CTNND2: variants seen among roughly 807,000 people sequenced by gnomAD.
CTNND2 encodes the protein catenin delta-2.
CTNND2 carries 22 observed loss-of-function variants against 144.4 expected under a neutral mutation model. The observed-to-expected ratio is 0.15, with a 90% CI of 0.11 to 0.22. The LOEUF (loss-of-function observed/expected upper bound fraction) is 0.22. Among genes scored for constraint, CTNND2 ranks in the 10% least tolerant of loss-of-function variants. The pLI is 1.00. For synonymous variants in CTNND2, 751 were observed against 695.6 expected (o/e 1.08, Z -1.25); for missense variants, 1,353 against 1,618.8 (o/e 0.84, Z 2.82).
chr5:11,401,097 C>T (rs986073345), intron 5 of CTNND2, among the ~76,000 whole-genome samples: 5 of 152,130 alleles, frequency 3.3e-5, no homozygotes, highest in Non-Finnish European at 7.4e-5. Context: ...GTCCACTATT[C>T]GTGGGACAAA....
intron 12 of CTNND2, among the ~76,000 whole-genome samples, chr5:11,155,114 G>A (rs1050791778): frequency 1.3e-5 from 2 of 152,212 alleles, no homozygotes; most frequent in Admixed American, 6.5e-5. Flanking sequence ...GCCAACATGA[G>A]CTTGTCCAGA....
chr5:11,671,449 C>T (rs902032182), intron 2 of CTNND2, among the ~76,000 whole-genome samples: 6 of 151,970 alleles, frequency 3.9e-5, no homozygotes, highest in Admixed American at 2.0e-4. Context: ...ACATAGTCTC[C>T]TATTTCTTGG....
intron 10 of CTNND2, among the ~76,000 whole-genome samples, chr5:11,213,755 C>A (rs1738882612): frequency 6.6e-6 from 1 of 152,166 alleles, no homozygotes; most frequent in Non-Finnish European, 1.5e-5. Context: ...AGGCTCACAA[C>A]TCTCCTAGCA....
At chr5:11,544,900 T>G (rs1775080845) in intron 3 of CTNND2, among the ~76,000 whole-genome samples, 1 of 151,352 alleles carries the variant, frequency 6.6e-6, no homozygotes, top group Admixed American at 6.6e-5. Flanking sequence ...GGGCAGATCA[T>G]GAGGTCAGGA....
Position 11,412,056 on chromosome 5 carries a change from G to C in CTNND2, c.301C>G (p.Gln101Glu). 6.2e-7 allele frequency: 1 copy of C among 1,610,900 alleles called. No homozygotes were observed. Among genetic ancestry groups the C allele is most frequent in the Non-Finnish European group, 8.5e-7 (1 of 1,177,346 alleles). Residue 101 changes from glutamine (Q) to glutamate (E), a missense_variant, in exon 4 of 22, where the codon CAG (glutamine) becomes GAG (glutamate). Transcript: ENST00000304623. Reference sequence around the variant, plus strand: ...TTACCTTGTGACTGCCACTGAAACTGCTCTTCTGCTGAACTGTAAAAAAGA... The same window carrying C: ...TTACCTTGTGACTGCCACTGAAACTCCTCTTCTGCTGAACTGTAAAAAAGA... ...SMSSMSSAEE[Q>E]FQWQSQDGQK... is the part of the protein sequence containing the mutation.
chr5:11,717,563 C>A (rs7729045), intron 2 of CTNND2, among the ~76,000 whole-genome samples: 2,258 of 135,696 alleles, frequency 0.017, 24 homozygotes, highest in East Asian at 0.061. Context: ...GGAGACAGAG[C>A]AAGAGACTGT....
At chr5:11,313,080 T>C (rs1435569413) in intron 9 of CTNND2, among the ~76,000 whole-genome samples, 1 of 152,196 alleles carries the variant, frequency 6.6e-6, no homozygotes, top group African/African-American at 2.4e-5. Context: ...TAAACTCCTG[T>C]TTGTTCCAGA....
chr5:11,833,203 A>G (rs1231187714), intron 1 of CTNND2, among the ~76,000 whole-genome samples: 1 of 152,240 alleles, frequency 6.6e-6, no homozygotes, highest in East Asian at 1.9e-4. Context: ...TTTATTCATA[A>G]TAACTAATGA....
chr5:11,699,962 T>C (rs10045901), intron 2 of CTNND2, among the ~76,000 whole-genome samples: 12,174 of 152,266 alleles, frequency 0.08, 1,602 homozygotes, highest in African/African-American at 0.27. Flanking sequence ...AGAAGCTCCA[T>C]TTGACTGAAC....
intron 9 of CTNND2, among the ~76,000 whole-genome samples, chr5:11,329,392 T>G (rs144542439): frequency 0.016 from 2,423 of 152,278 alleles, 57 homozygotes; most frequent in African/African-American, 0.056. Flanking sequence ...TGACCTCAAG[T>G]GATCCCCATC....
At position 11,365,271 on chromosome 5, in the gene CTNND2, T is replaced by C. The variant is rs1405870384; in HGVS notation, c.1178-381A>G. 3.3e-5 allele frequency among the ~76,000 whole-genome samples: 5 copies of C among 152,154 alleles called. No homozygotes were observed. The East Asian group carries it at 5.8e-4, about 18-fold the overall frequency. On this transcript the variant is annotated intron_variant, in intron 7 of 21. Transcript: ENST00000304623. ...AGCCCTTGCACCTTAAATTGTACAA[T>C]AGAAATTATTTTAAATGGCGAGCCA...
intron 3 of CTNND2, among the ~76,000 whole-genome samples, chr5:11,519,219 G>A (rs917533822): frequency 6.6e-6 from 1 of 152,172 alleles, no homozygotes; most frequent in African/African-American, 2.4e-5. Flanking sequence ...ATTCTTAATA[G>A]CAACAATTTA....
chr5:11,888,168 A>G (rs1736691973), intron 1 of CTNND2, among the ~76,000 whole-genome samples: 1 of 152,234 alleles, frequency 6.6e-6, no homozygotes, highest in African/African-American at 2.4e-5. Context: ...TCAAAGTGCA[A>G]AAACAAAATG....
chr5:11,600,566 T>C (rs1370413354), intron 2 of CTNND2, among the ~76,000 whole-genome samples: 1 of 151,608 alleles, frequency 6.6e-6, no homozygotes, highest in Non-Finnish European at 1.5e-5. Flanking sequence ...ATCAGCCCAG[T>C]GTGGTGGTGC....
At chr5:11,650,823 G>T (rs1782608834) in intron 2 of CTNND2, among the ~76,000 whole-genome samples, 2 of 152,126 alleles carry the variant, frequency 1.3e-5, no homozygotes, top group Non-Finnish European at 2.9e-5. Context: ...TCCAAGGTGT[G>T]GCCTGGCTGC....
At chr5:11,871,304 T>C (rs1446072808) in intron 1 of CTNND2, among the ~76,000 whole-genome samples, 1 of 152,212 alleles carries the variant, frequency 6.6e-6, no homozygotes, top group Non-Finnish European at 1.5e-5. Context: ...GCTTAGTCTG[T>C]AGATGATACC....
At chr5:11,314,122 T>C (rs563330138) in intron 9 of CTNND2, among the ~76,000 whole-genome samples, 6 of 152,292 alleles carry the variant, frequency 3.9e-5, no homozygotes, top group Admixed American at 3.3e-4. Flanking sequence ...CTCTGATAGC[T>C]TGGTACCTAT....
intron 3 of CTNND2, among the ~76,000 whole-genome samples, chr5:11,504,890 G>T (rs1770873079): frequency 6.6e-6 from 1 of 152,012 alleles, no homozygotes; most frequent in Non-Finnish European, 1.5e-5. Flanking sequence ...CTATTGGCAG[G>T]CCTCTTGAGC....
intron 9 of CTNND2, among the ~76,000 whole-genome samples, chr5:11,320,059 C>T (rs1448460993): frequency 6.6e-6 from 1 of 152,264 alleles, no homozygotes; most frequent in East Asian, 1.9e-4. Context: ...CGACACCCAG[C>T]GGTTCTGACC....
Sources: gnomAD v4.1 joint callset for allele counts (sites outside exome capture counted in the v4.1 genomes callset) on GRCh38, gnomAD v4.1.1 for gene constraint, MANE v1.5 for transcripts, NCBI Gene and HGNC (gene_info 2026-07-23, HGNC 2026-07-21) for gene names.